The following ZNF316 variants were observed in gnomAD, a reference collection of about 807,000 sequenced individuals.
ZNF316 encodes the protein zinc finger protein 316.
A neutral mutation model predicts 75.6 loss-of-function variants in ZNF316; 23 were observed. That is an observed-to-expected ratio of 0.30 (90% CI 0.22 to 0.43). ZNF316 has a LOEUF of 0.43. Among genes scored for constraint, ZNF316 ranks in the 20% least tolerant of loss-of-function variants. The probability of loss-of-function intolerance (pLI) is 1.00; values close to 1 mark genes in which losing one functional copy is unlikely to be tolerated. For missense variants in ZNF316, 1,266 were observed against 1,409.4 expected (o/e 0.90, Z 1.63); for synonymous variants, 827 against 666.2 (o/e 1.24, Z -3.72).
At position 6,652,471 on chromosome 7, in the gene ZNF316, A is replaced by G; in HGVS notation, c.875A>G (p.Gln292Arg). Residue 292 changes from glutamine to arginine, a missense_variant, in exon 9 of 9, where the codon CAG becomes CGG. Transcript: ENST00000382252. ...TWGPDDSDSAQTPEGWGPDPG... is the reference protein window; with the variant it reads ...TWGPDDSDSARTPEGWGPDPG... ...GGGCCCGACGACTCGGATTCGGCGCAGACTCCAGAGGGGTGGGGACCCGAC... is the reference window on the plus strand; with the variant it reads ...GGGCCCGACGACTCGGATTCGGCGCGGACTCCAGAGGGGTGGGGACCCGAC... 1 of 1,231,634 alleles carries G rather than the reference A, an allele frequency of 8.1e-7. No homozygotes were observed. Among genetic ancestry groups the G allele is most frequent in the Non-Finnish European group, 1.0e-6 (1 of 987,740 alleles). 76.3% of individuals were successfully genotyped at this position (1,231,634 alleles called of 1,614,324 possible).
chr7:6,645,436 C>G (rs1450827419), intron 8 of ZNF316, among the ~76,000 whole-genome samples: 1 of 152,308 alleles, frequency 6.6e-6, no homozygotes, highest in East Asian at 1.9e-4. Context: ...ATAATCCCAG[C>G]ACTTTGGGAG....
chr7:6,646,965 A>G (rs971696458), intron 8 of ZNF316, among the ~76,000 whole-genome samples: 2 of 151,934 alleles, frequency 1.3e-5, no homozygotes, highest in African/African-American at 4.8e-5. Flanking sequence ...CCCTTCAGCC[A>G]TGCTTCAGAC....
At chr7:6,652,114 G>A (rs1779517359) in intron 8 of ZNF316, among the ~76,000 whole-genome samples, 189 bp from the exon 9 acceptor site, 1 of 152,172 alleles carries the variant, frequency 6.6e-6, no homozygotes, top group Admixed American at 6.5e-5. Context: ...TTCCTGCCTT[G>A]CGGCTGTTCA....
rs1023040778 is a variant in ZNF316 at position 6,637,696 on chromosome 7, C to G, written c.-430-150C>G. 6.6e-6 allele frequency: 1 copy of G among 151,428 alleles called. No homozygotes were observed. Among genetic ancestry groups the G allele is most frequent in the Admixed American group, 6.6e-5 (1 of 15,206 alleles). The allele number at this position is 151,428 out of a possible 1,614,324, so 9.4% of individuals were successfully genotyped here. A position where few individuals can be genotyped will look rare whatever the true frequency, so the allele number is the denominator to read the frequency against. ...CCTGCGCGTTGCCGACCCCCGGGGCCGGTCCGGGCAGGAGGCGGAGGGGGC... is the reference window on the plus strand; with the variant it reads ...CCTGCGCGTTGCCGACCCCCGGGGCGGGTCCGGGCAGGAGGCGGAGGGGGC... On this transcript the variant is annotated intron_variant, in intron 1 of 8. Transcript: ENST00000382252. This position sits in a 1 kb window ranked among gnomAD's most constrained non-coding sequence, Gnocchi z 6.2.
rs1779558648 is a variant in ZNF316 at position 6,653,567 on chromosome 7, G to A, written c.1971G>A (p.Gly657=). Residue 657 remains glycine, a synonymous_variant, in exon 9 of 9, where the codon GGG becomes GGA. Coordinates refer to ENST00000382252, the MANE Select transcript of ZNF316 (RefSeq NM_001278559.2). ...GLACDPFGGG[G]AAGGGGGLRA... ...CGTGCGACCCTTTCGGCGGCGGCGG[G>A]GCCGCGGGCGGCGGAGGCGGCCTGC... The A allele has an allele frequency of 9.0e-7, 1 of 1,115,904 alleles. No individual in the cohort carries two copies. Among genetic ancestry groups the A allele is most frequent in the African/African-American group, 1.7e-5 (1 of 59,790 alleles). The allele number at this position is 1,115,904 out of a possible 1,614,324, so 69.1% of individuals were successfully genotyped here. A position where few individuals can be genotyped will look rare whatever the true frequency, so the allele number is the denominator to read the frequency against.
intron 8 of ZNF316, among the ~76,000 whole-genome samples, 194 bp downstream of exon 8, chr7:6,644,787 G>A (rs1185532451): frequency 6.6e-6 from 1 of 152,166 alleles, no homozygotes; most frequent in Non-Finnish European, 1.5e-5. Context: ...GAACCTAGAG[G>A]CTCCTCCTAG....
Position 6,644,469 on chromosome 7 carries a change from TCTC to T in ZNF316, c.593-8_593-6del, listed in dbSNP as rs573651119. 2.5e-4 allele frequency: 304 copies of T among 1,230,820 alleles called. No homozygotes were observed. The African/African-American group carries it at 4.5e-3, about 18-fold the overall frequency. The allele number at this position is 1,230,820 out of a possible 1,614,324, so 76.2% of individuals were successfully genotyped here. On this transcript the variant is annotated splice_polypyrimidine_tract_variant and splice_region_variant and intron_variant, in intron 7 of 8. Coordinates refer to ENST00000382252, the MANE Select transcript of ZNF316 (RefSeq NM_001278559.2). The stretch of plus-strand genomic sequence containing the variant: ...GGAGCCGCCTGCAGCCGCCGTCTGT[TCTC>T]CTGGCAGGATACCCAATTCCCAAGC...
intron 8 of ZNF316, among the ~76,000 whole-genome samples, 180 bp from the exon 9 acceptor site, chr7:6,652,123 C>G (rs1254659153): frequency 6.6e-6 from 1 of 152,144 alleles, no homozygotes; most frequent in Non-Finnish European, 1.5e-5. Flanking sequence ...TGCGGCTGTT[C>G]AGGACTGGCA....
At chr7:6,649,492 G>A (rs565503229) in intron 8 of ZNF316, among the ~76,000 whole-genome samples, 4 of 152,322 alleles carry the variant, frequency 2.6e-5, no homozygotes, top group Non-Finnish European at 4.4e-5. Context: ...TCTGGAAAAC[G>A]GCTTTGGATC....
intron 8 of ZNF316, among the ~76,000 whole-genome samples, chr7:6,647,793 A>G (rs945457453): frequency 6.6e-6 from 1 of 152,138 alleles, no homozygotes; most frequent in African/African-American, 2.4e-5. Flanking sequence ...TGTGGGCTAC[A>G]CCGAGCAGCA....
rs1289239774 is a variant in ZNF316, at chr7:6,639,572, G to GAA, written c.-167+431_-167+432insAA. On this transcript the variant is annotated intron_variant, in intron 3 of 8. Coordinates refer to ENST00000382252, the MANE Select transcript of ZNF316 (RefSeq NM_001278559.2). This position sits in a 1 kb window ranked among gnomAD's most constrained non-coding sequence, Gnocchi z 4.2. Reference sequence around the variant, plus strand: ...CGGCCTGAGATGAGATGAACATGCAGCCACTTTATTCCAAAGCTGTGAAGT... The same window carrying GAA: ...CGGCCTGAGATGAGATGAACATGCAGAACCACTTTATTCCAAAGCTGTGAAGT... Among the ~76,000 whole-genome samples the GAA allele has an allele frequency of 1.3e-5, 2 of 152,182 alleles. No individual in the cohort carries two copies. The highest frequency in any genetic ancestry group is 2.9e-5 in the Non-Finnish European group (2 of 68,032).
At chr7:6,650,941 C>T (rs766776706) in intron 8 of ZNF316, among the ~76,000 whole-genome samples, 1 of 152,126 alleles carries the variant, frequency 6.6e-6, no homozygotes, top group Non-Finnish European at 1.5e-5. Flanking sequence ...CCCCACCGAG[C>T]CAGCTCCATC....
chr7:6,638,894 G>A (rs1779265462), intron 2 of ZNF316, 148 bp from the exon 3 acceptor site: 1 of 152,658 alleles, frequency 6.6e-6, no homozygotes, highest in Admixed American at 6.5e-5. Context: ...AAGAGGGCAA[G>A]AGTGCAGGCC....
chr7:6,641,600 TG>T (rs1488991178), intron 3 of ZNF316, among the ~76,000 whole-genome samples: 1 of 152,244 alleles, frequency 6.6e-6, no homozygotes, highest in Non-Finnish European at 1.5e-5. Flanking sequence ...GAGCTGTTAC[TG>T]ATGTCAGTGA....
chr7:6,638,859 T>C (rs1156548813), intron 2 of ZNF316, among the ~76,000 whole-genome samples, 183 bp from the exon 3 acceptor site: 4 of 152,140 alleles, frequency 2.6e-5, no homozygotes, highest in African/African-American at 9.7e-5. Context: ...GAGCAGTGTT[T>C]ACAGTGGACT....
At position 6,653,265 on chromosome 7, in the gene ZNF316, G is replaced by A. The variant is rs991527502; in HGVS notation, c.1669G>A (p.Glu557Lys). 77 of 1,227,934 alleles carry A rather than the reference G, an allele frequency of 6.3e-5. No homozygotes were observed. The East Asian group carries it at 1.8e-3, about 29-fold the overall frequency. 76.1% of individuals were successfully genotyped at this position (1,227,934 alleles called of 1,614,324 possible). Residue 557 changes from glutamate (E) to lysine (K), a missense_variant, in exon 9 of 9, where the codon GAG becomes AAG. Coordinates refer to ENST00000382252, the MANE Select transcript of ZNF316 (RefSeq NM_001278559.2). ...GEAEAAAEER[E>K]EAAVAAPTPS... ...GGCGGAGGCCGCGGCCGAGGAGAGAGAGGAGGCGGCGGTGGCGGCGCCCAC... is the reference window on the plus strand; with the variant it reads ...GGCGGAGGCCGCGGCCGAGGAGAGAAAGGAGGCGGCGGTGGCGGCGCCCAC...
In ZNF316 at chr7:6,639,735, G is replaced by T. The variant is rs1439583424; in HGVS notation, c.-167+594G>T. ...GCCCAGCCTGAATCTGCGGCCTGAG[G>T]CTTGAAAGAGAAAAGCCCTCCTCTG... On this transcript the variant is annotated intron_variant, in intron 3 of 8. Transcript: ENST00000382252. This position sits in a 1 kb window ranked among gnomAD's most constrained non-coding sequence, Gnocchi z 4.2. Among the ~76,000 whole-genome samples, 3 of 152,308 alleles carry T rather than the reference G, an allele frequency of 2.0e-5. No homozygotes were observed. The highest frequency in any genetic ancestry group is 2.0e-4 in the Admixed American group (3 of 15,294).
rs1015855780 is a variant in ZNF316, at chr7:6,640,387, C to T, written c.-167+1246C>T. ...TCAGGAAGCCTTTAATCATGGTGGA[C>T]GGTGAGGGGGAGTAGGTATGTCACA... On this transcript the variant is annotated intron_variant, in intron 3 of 8. Transcript: ENST00000382252. This position sits in a 1 kb window ranked among gnomAD's most constrained non-coding sequence, Gnocchi z 5.1. Among the ~76,000 whole-genome samples, 6 of 151,932 alleles carry T rather than the reference C, an allele frequency of 3.9e-5. No homozygotes were observed. Among genetic ancestry groups the T allele is most frequent in the Non-Finnish European group, 8.8e-5 (6 of 67,976 alleles).
chr7:6,648,866 C>T (rs1779455906), intron 8 of ZNF316, among the ~76,000 whole-genome samples: 1 of 152,046 alleles, frequency 6.6e-6, no homozygotes, highest in Non-Finnish European at 1.5e-5. Flanking sequence ...CATTAAGGTT[C>T]AAAGGGGAAG....
Sources: allele counts gnomAD v4.1 joint callset (sites outside exome capture counted in the v4.1 genomes callset), GRCh38; gene constraint gnomAD v4.1.1; non-coding constraint Gnocchi (gnomAD v3.1); transcripts MANE v1.5; gene names NCBI Gene and HGNC (gene_info 2026-07-23, HGNC 2026-07-21).